Variants in USP34 observed in about 807,000 individuals in gnomAD.
The protein encoded by USP34 is ubiquitin carboxyl-terminal hydrolase 34.
Under a neutral mutation model 460.3 loss-of-function variants are expected in USP34, and 70 were observed. The observed-to-expected ratio is 0.15, with a 90% confidence interval of 0.13 to 0.19. The LOEUF (loss-of-function observed/expected upper bound fraction) is 0.19. Ranked by LOEUF, USP34 falls within the 10% of genes least tolerant of loss-of-function variation. The pLI is 1.00. For synonymous variants in USP34, 1,647 were observed against 1,405.3 expected, an observed-to-expected ratio of 1.17 and a Z score of -3.85; for missense variants, 3,985 against 4,236.2, an observed-to-expected ratio of 0.94 and a Z score of 1.65.
chr2:61,363,170 C>A (rs952217905), intron 10 of USP34, among the ~76,000 whole-genome samples: 1 of 152,128 alleles, frequency 6.6e-6, no homozygotes, highest in African/African-American at 2.4e-5. Flanking sequence ...AAATTCACAC[C>A]TACTAGGATA....
intron 1 of USP34, among the ~76,000 whole-genome samples, chr2:61,468,378 T>G (rs989125801): frequency 6.6e-6 from 1 of 152,186 alleles, no homozygotes; most frequent in Non-Finnish European, 1.5e-5. Context: ...AGACGGGGTT[T>G]CTCCATGTTA....
rs1691831420 is a variant in USP34, at chr2:61,348,207, G to C, written c.1948C>G (p.Gln650Glu). 2 of 1,614,064 alleles carry C rather than the reference G, an allele frequency of 1.2e-6. No homozygotes were observed. The highest frequency in any genetic ancestry group is 2.7e-5 in the African/African-American group (2 of 74,924). ...TDLRNRKLES[Q>E]AGICLGDSQG... Reference sequence around the variant, plus strand: ...GAGTCCCCCAGGCAAATGCCTGCTTGACTCTCTAACTTTCTATTCCGAAGA... The same window carrying C: ...GAGTCCCCCAGGCAAATGCCTGCTTCACTCTCTAACTTTCTATTCCGAAGA... Residue 650 changes from glutamine (Q) to glutamate (E), a missense_variant, in exon 15 of 80, where the codon CAA (glutamine) becomes GAA (glutamate). Around this residue, in one of 14 missense-constraint regions of USP34, gnomAD observed 716 missense variants for 626.2 expected, o/e 1.14. Coordinates refer to ENST00000398571, the MANE Select transcript of USP34 (RefSeq NM_014709.4).
At chr2:61,423,852 A>C (rs1694432986) in intron 1 of USP34, among the ~76,000 whole-genome samples, 1 of 152,210 alleles carries the variant, frequency 6.6e-6, no homozygotes, top group Non-Finnish European at 1.5e-5. Flanking sequence ...TCAGGACACT[A>C]AGGATAACGT....
Position 61,188,072 on chromosome 2 carries a change from G to A in USP34, c.*30C>T, listed in dbSNP as rs760230196. The A allele has an allele frequency of 2.1e-5, 34 of 1,586,710 alleles. No homozygotes were observed. Among genetic ancestry groups the A allele is most frequent in the Non-Finnish European group, 2.7e-5 (32 of 1,166,498 alleles). ...AACAGCATGGGGGTTGGGGGTGAGG[G>A]ACTTAAAAGTAGACATGCTACACCT... On this transcript the variant is annotated 3_prime_UTR_variant, in exon 80 of 80. Transcript: ENST00000398571.
chr2:61,211,293 G>C (rs970214407), intron 69 of USP34, among the ~76,000 whole-genome samples: 1 of 152,200 alleles, frequency 6.6e-6, no homozygotes, highest in African/African-American at 2.4e-5. Context: ...AGGGTAATTT[G>C]TAGTAGTTCC....
At chr2:61,351,317 G>GT (rs1691936240) in intron 10 of USP34, among the ~76,000 whole-genome samples, 2 of 151,864 alleles carry the variant, frequency 1.3e-5, no homozygotes, top group Non-Finnish European at 2.9e-5. Context: ...TTATTTTACT[G>GT]GAGTACACAA....
At chr2:61,219,014 G>A (rs1288400021) in intron 67 of USP34, among the ~76,000 whole-genome samples, 1 of 152,150 alleles carries the variant, frequency 6.6e-6, no homozygotes, top group East Asian at 1.9e-4. Context: ...ACCTCCTGGG[G>A]AGATGTGTAC....
chr2:61,211,925 A>G lies in USP34; in HGVS notation c.8687T>C (p.Val2896Ala), dbSNP rs1016865733. The G allele has an allele frequency of 6.2e-7, 1 of 1,601,352 alleles. No homozygotes were observed. Among genetic ancestry groups the G allele is most frequent in the African/African-American group, 1.4e-5 (1 of 74,066 alleles). ...TPHASQYPGA[V>A]EELFNLMQLF... ...CTGCATCAGGTTAAACAGTTCTTCT[A>G]CTGCCTAAAAAAGCCAAATAAGCCA... The change falls in exon 69 of 80, where the codon GTA (valine) becomes GCA (alanine). Residue 2896 changes from valine (V) to alanine (A), a missense_variant. Val to Ala is a moderately conservative substitution (Grantham distance 64). Coordinates refer to ENST00000398571, the MANE Select transcript of USP34 (RefSeq NM_014709.4).
intron 48 of USP34, among the ~76,000 whole-genome samples, chr2:61,249,403 T>A (rs1688511420): frequency 6.6e-6 from 1 of 152,266 alleles, no homozygotes; most frequent in Admixed American, 6.5e-5. Flanking sequence ...AGGTGGGGAC[T>A]GTGCCAGATT....
At chr2:61,465,668 C>T (rs1034103289) in intron 1 of USP34, among the ~76,000 whole-genome samples, 2 of 152,026 alleles carry the variant, frequency 1.3e-5, no homozygotes, top group African/African-American at 4.8e-5. Flanking sequence ...CAATGCAAGG[C>T]CCTGTCTCTA....
At chr2:61,237,687 A>C (rs1572860375) in intron 53 of USP34, among the ~76,000 whole-genome samples, 1 of 145,924 alleles carries the variant, frequency 6.9e-6, no homozygotes, top group East Asian at 2.0e-4. Flanking sequence ...TCCCACCTCA[A>C]CCTCCTGAGC....
intron 57 of USP34, among the ~76,000 whole-genome samples, chr2:61,234,192 T>A (rs1405369362): frequency 6.6e-6 from 1 of 152,220 alleles, no homozygotes; most frequent in Non-Finnish European, 1.5e-5. Context: ...AGGAATAGAT[T>A]CCCTTACTCT....
intron 18 of USP34, among the ~76,000 whole-genome samples, chr2:61,334,627 C>G (rs1367806602): frequency 6.6e-6 from 1 of 152,096 alleles, no homozygotes; most frequent in East Asian, 1.9e-4. Context: ...AAATTTTATT[C>G]ACTTCCTGAA....
rs1340946417 is a variant in USP34 at position 61,190,285 on chromosome 2, C to T, written c.9859G>A (p.Ala3287Thr). 1 of 1,612,312 alleles carries T rather than the reference C, an allele frequency of 6.2e-7. No individual in the cohort carries two copies. Among genetic ancestry groups the T allele is most frequent in the Non-Finnish European group, 8.5e-7 (1 of 1,179,582 alleles). Residue 3287 changes from alanine to threonine, a missense_variant, in exon 78 of 80, where the codon GCT becomes ACT. Ala to Thr is a moderately conservative substitution (Grantham distance 58). This residue lies in a region of USP34 where 506 missense variants were observed against 439.0 expected (regional missense o/e 1.15). Transcript: ENST00000398571. ...SNRVEISKAS[A>T]SLNGDLRALA... ...ATAGTTCTTACCCCATTTAAAGAAG[C>T]ACTTGCTTTGGAAATTTCAACTCGG...
Position 61,190,512 on chromosome 2 carries a change from A to G in USP34, c.9729+6T>C. 12 of 1,613,176 alleles carry G rather than the reference A, an allele frequency of 7.4e-6. No homozygotes were observed. Among genetic ancestry groups the G allele is most frequent in the Non-Finnish European group, 1.0e-5 (12 of 1,179,640 alleles). ...TGACACACTGAGTTTCCAAAGTACTACGTACCTTTAGAAGGAAATGTGTCA... is the reference window on the plus strand; with the variant it reads ...TGACACACTGAGTTTCCAAAGTACTGCGTACCTTTAGAAGGAAATGTGTCA... On this transcript the variant is annotated splice_donor_region_variant and intron_variant, in intron 77 of 79. Coordinates refer to ENST00000398571, the MANE Select transcript of USP34 (RefSeq NM_014709.4).
chr2:61,319,464 T>C (rs1041336403), intron 21 of USP34, 137 bp from the exon 22 acceptor site: 10 of 477,038 alleles, frequency 2.1e-5, no homozygotes, highest in Non-Finnish European at 3.5e-5. Flanking sequence ...ATTGAAATGA[T>C]GCATAATGAA....
chr2:61,251,884 G>C (rs1688593080), intron 48 of USP34, among the ~76,000 whole-genome samples: 1 of 151,598 alleles, frequency 6.6e-6, no homozygotes, highest in Non-Finnish European at 1.5e-5. Context: ...CCGCCCCCTT[G>C]ATATACTGTA....
chr2:61,282,746 C>T (rs773551493), intron 37 of USP34, among the ~76,000 whole-genome samples: 6 of 151,970 alleles, frequency 3.9e-5, no homozygotes, highest in African/African-American at 9.7e-5. Flanking sequence ...GCCTTGATTG[C>T]ACCACTACAC....
chr2:61,238,839 A>T (rs1391710546), intron 53 of USP34, among the ~76,000 whole-genome samples: 1 of 152,104 alleles, frequency 6.6e-6, no homozygotes, highest in African/African-American at 2.4e-5. Flanking sequence ...TTTTTAAACA[A>T]ATTGAAGGGC....
Sources: gnomAD v4.1 joint callset for allele counts (sites outside exome capture counted in the v4.1 genomes callset) on GRCh38, gnomAD v4.1.1 for gene constraint, gnomAD v4.1.1 regional missense constraint, MANE v1.5 for transcripts, NCBI Gene and HGNC (gene_info 2026-07-23, HGNC 2026-07-21) for gene names.